Variants in P3H2 observed in about 807,000 individuals in gnomAD.
P3H2 encodes the protein prolyl 3-hydroxylase 2.
A neutral mutation model predicts 87.0 loss-of-function variants in P3H2; 80 were observed. That is an observed-to-expected ratio of 0.92 (90% CI 0.77 to 1.11). The LOEUF is 1.11. Ranked by LOEUF, P3H2 falls within the 50% of genes least tolerant of loss-of-function variation. The pLI is 0.00. For missense variants in P3H2, 1,001 were observed against 923.9 expected (o/e 1.08, Z -1.08); for synonymous variants, 367 against 359.3 (o/e 1.02, Z -0.24).
chr3:190,008,127 A>G (rs1724453490), intron 1 of P3H2, among the ~76,000 whole-genome samples: 1 of 151,966 alleles, frequency 6.6e-6, no homozygotes, highest in Admixed American at 6.6e-5. Context: ...TGAATAAGAT[A>G]AGTATAGAGT....
intron 1 of P3H2, among the ~76,000 whole-genome samples, chr3:190,102,758 CTG>C (rs1275727613): frequency 1.3e-5 from 2 of 152,314 alleles, no homozygotes; most frequent in East Asian, 3.9e-4. Flanking sequence ...AAGAAGTTTA[CTG>C]TGAGTAAAAT....
At chr3:189,988,732 G>A (rs1723784161) in intron 4 of P3H2, among the ~76,000 whole-genome samples, 175 bp downstream of exon 4, 1 of 152,034 alleles carries the variant, frequency 6.6e-6, no homozygotes, top group Non-Finnish European at 1.5e-5. Flanking sequence ...TTTGCCCATT[G>A]GTGATATCCC....
rs779102577 is a variant in P3H2, at chr3:190,120,413, G to C, written c.319C>G (p.Leu107Val). The change falls in exon 1 of 15, where the codon CTG becomes GTG. Residue 107 changes from leucine to valine, a missense_variant. Physicochemically the swap from Leu to Val is conservative, Grantham distance 32. Coordinates refer to ENST00000319332, the MANE Select transcript of P3H2 (RefSeq NM_018192.4). Reference sequence around the variant, plus strand: ...CCCAACAAGGAGCGGAAAAGGGGCAGCTCAGCGCCGGGGCCCTCGCCGGGG... The same window carrying C: ...CCCAACAAGGAGCGGAAAAGGGGCACCTCAGCGCCGGGGCCCTCGCCGGGG... ...PPPGEGPGAELPLFRSLLGRA... is the reference protein window; with the variant it reads ...PPPGEGPGAEVPLFRSLLGRA... The C allele has an allele frequency of 1.3e-6, 2 of 1,513,470 alleles. No homozygotes were observed. The highest frequency in any genetic ancestry group is 1.8e-6 in the Non-Finnish European group (2 of 1,137,698). 93.8% of individuals were successfully genotyped at this position (1,513,470 alleles called of 1,614,324 possible).
intron 4 of P3H2, among the ~76,000 whole-genome samples, chr3:189,988,544 G>A (rs1019893258): frequency 1.1e-4 from 17 of 152,090 alleles, no homozygotes; most frequent in South Asian, 8.3e-4. Flanking sequence ...ACTTGAGCAC[G>A]TGATTCACTG....
intron 6 of P3H2, 35 bp downstream of exon 6, chr3:189,986,753 C>T (rs1723712773): frequency 2.1e-6 from 3 of 1,401,058 alleles, no homozygotes; most frequent in Non-Finnish European, 3.0e-6. Context: ...TCCACTGAAT[C>T]ATTATTTTAA....
At chr3:190,002,655 T>G (rs1471001432) in intron 1 of P3H2, among the ~76,000 whole-genome samples, 1 of 152,224 alleles carries the variant, frequency 6.6e-6, no homozygotes, top group Non-Finnish European at 1.5e-5. Context: ...CACCTTGGCC[T>G]ACCAAAGTGC....
chr3:190,003,467 A>G (rs1234763843), intron 1 of P3H2, among the ~76,000 whole-genome samples: 1 of 150,844 alleles, frequency 6.6e-6, no homozygotes, highest in African/African-American at 2.4e-5. Context: ...CCGATTAGAG[A>G]CTATTAAAAA....
intron 1 of P3H2, among the ~76,000 whole-genome samples, chr3:190,101,662 T>A (rs1376016614): frequency 6.6e-6 from 1 of 152,072 alleles, no homozygotes; most frequent in Non-Finnish European, 1.5e-5. Flanking sequence ...GCCGTCTTCA[T>A]AAACATGAAA....
chr3:190,009,385 G>C (rs1055914646), intron 1 of P3H2, among the ~76,000 whole-genome samples: 1 of 152,176 alleles, frequency 6.6e-6, no homozygotes, highest in Non-Finnish European at 1.5e-5. Context: ...GCATAGGATG[G>C]TCTACGAGAG....
intron 1 of P3H2, among the ~76,000 whole-genome samples, chr3:190,106,528 A>G (rs1431488664): frequency 6.6e-6 from 1 of 151,236 alleles, no homozygotes; most frequent in African/African-American, 2.4e-5. Flanking sequence ...CCTAGAAACT[A>G]TGAGGCAAGG....
At chr3:190,095,309 T>TCC (rs1727536347) in intron 1 of P3H2, among the ~76,000 whole-genome samples, 1 of 57,718 alleles carries the variant, frequency 1.7e-5, no homozygotes, top group African/African-American at 5.8e-5. Context: ...AAAACATATA[T>TCC]ATATATATAT....
At chr3:190,087,560 A>C (rs972610627) in intron 1 of P3H2, among the ~76,000 whole-genome samples, 4 of 151,700 alleles carry the variant, frequency 2.6e-5, no homozygotes, top group Non-Finnish European at 4.4e-5. Flanking sequence ...AAAAAAAAAA[A>C]AAACCATCAA....
chr3:190,059,644 C>T (rs1726274934), intron 1 of P3H2, among the ~76,000 whole-genome samples: 1 of 152,174 alleles, frequency 6.6e-6, no homozygotes, highest in East Asian at 1.9e-4. Context: ...ACCCACCCCT[C>T]CAACACTTGC....
intron 1 of P3H2, among the ~76,000 whole-genome samples, chr3:190,110,037 TG>T (rs1306318665): frequency 2.0e-5 from 3 of 151,712 alleles, no homozygotes; most frequent in Non-Finnish European, 2.9e-5. Context: ...TTAGTAGAGT[TG>T]GGGTTTCACC....
At chr3:190,049,116 T>C (rs1725894055) in intron 1 of P3H2, among the ~76,000 whole-genome samples, 1 of 151,898 alleles carries the variant, frequency 6.6e-6, no homozygotes, top group South Asian at 2.1e-4. Context: ...GAAAGAAAAA[T>C]AGAAAGTCAG....
chr3:189,988,906 C>A lies in P3H2; in HGVS notation c.955+1G>T. On this transcript the variant is annotated splice_donor_variant, in intron 4 of 14. Transcript: ENST00000319332. LOFTEE classifies it high-confidence loss of function. Reference sequence around the variant, plus strand: ...GTCTTCACGGATGATCCACGCTTTACCTCGATAGTAGGCAAACTGTAGGTA... The same window carrying A: ...GTCTTCACGGATGATCCACGCTTTAACTCGATAGTAGGCAAACTGTAGGTA... 6.2e-7 allele frequency: 1 copy of A among 1,614,014 alleles called. No homozygotes were observed. The highest frequency in any genetic ancestry group is 1.3e-5 in the African/African-American group (1 of 74,992).
chr3:190,005,628 C>A (rs1200370566), intron 1 of P3H2, among the ~76,000 whole-genome samples: 1 of 152,164 alleles, frequency 6.6e-6, no homozygotes, highest in Non-Finnish European at 1.5e-5. Flanking sequence ...CCACTTGTAC[C>A]TTTTTGGTAT....
chr3:189,998,429 G>A (rs1380118696), intron 1 of P3H2, among the ~76,000 whole-genome samples: 1 of 152,130 alleles, frequency 6.6e-6, no homozygotes, highest in Non-Finnish European at 1.5e-5. Context: ...AATATGTCAT[G>A]TCCTATAAGG....
At chr3:190,077,093 T>C (rs978603263) in intron 1 of P3H2, among the ~76,000 whole-genome samples, 7 of 152,236 alleles carry the variant, frequency 4.6e-5, no homozygotes, top group Non-Finnish European at 2.9e-5. Flanking sequence ...AAAACTTTCC[T>C]GACTGTTTTT....
Sources: gnomAD v4.1 joint callset for allele counts (sites outside exome capture counted in the v4.1 genomes callset) on GRCh38, gnomAD v4.1.1 for gene constraint, MANE v1.5 for transcripts, NCBI Gene and HGNC (gene_info 2026-07-23, HGNC 2026-07-21) for gene names.